CSMD3: variants seen among roughly 807,000 people sequenced by gnomAD.
CSMD3 encodes the protein CUB and Sushi multiple domains 3.
In CSMD3, 177 loss-of-function variants were observed where a neutral mutation model predicts 435.2. The observed-to-expected ratio is 0.41, with a 90% confidence interval of 0.36 to 0.46. CSMD3 has a LOEUF of 0.46. Ranked by LOEUF, CSMD3 falls within the 20% of genes least tolerant of loss-of-function variation. The pLI, the probability that CSMD3 is intolerant of heterozygous loss-of-function variation, is 0.34. For synonymous variants in CSMD3, 1,656 were observed against 1,520.5 expected (o/e 1.09, Z -2.07); for missense variants, 4,265 against 4,504.6 (o/e 0.95, Z 1.52).
intron 13 of CSMD3, among the ~76,000 whole-genome samples, chr8:112,772,065 A>G (rs180929392): frequency 1.2e-4 from 18 of 152,194 alleles, no homozygotes; most frequent in Admixed American, 9.8e-4. Context: ...TTAACTCAGG[A>G]AAGATACAGA....
intron 14 of CSMD3, among the ~76,000 whole-genome samples, chr8:112,686,683 G>A (rs891520908): frequency 2.6e-5 from 4 of 151,626 alleles, no homozygotes; most frequent in African/African-American, 9.7e-5. Context: ...ATGGGGTTTC[G>A]CCATATTGGT....
At chr8:113,008,140 C>T (rs905765153) in intron 6 of CSMD3, among the ~76,000 whole-genome samples, 1 of 151,574 alleles carries the variant, frequency 6.6e-6, no homozygotes, top group Non-Finnish European at 1.5e-5. Context: ...TATTAACAGT[C>T]AGAATTTTGT....
chr8:113,312,739 G>A (rs373467284), intron 2 of CSMD3: 1 of 151,960 alleles, frequency 6.6e-6, no homozygotes, highest in Non-Finnish European at 1.5e-5. Flanking sequence ...CCACTTATAG[G>A]TATTATTTGC....
chr8:112,274,037 A>G (rs1817784825), intron 59 of CSMD3, among the ~76,000 whole-genome samples: 1 of 152,048 alleles, frequency 6.6e-6, no homozygotes, highest in Non-Finnish European at 1.5e-5. Context: ...TTTCACATGA[A>G]CTGATACTTA....
intron 3 of CSMD3, among the ~76,000 whole-genome samples, chr8:113,207,935 T>C (rs113499390): frequency 2.6e-5 from 4 of 152,268 alleles, no homozygotes; most frequent in African/African-American, 7.2e-5. Flanking sequence ...GATTTCAGAA[T>C]GGGGTTTGGC....
rs566012713 is a variant in CSMD3, at chr8:113,310,002, A to AT, written c.401+4568dup. 102 of 152,314 alleles carry AT rather than the reference A, an allele frequency of 6.7e-4. 1 individual carries two copies. The highest frequency in any genetic ancestry group is 2.4e-3 in the African/African-American group (99 of 41,580). The allele number at this position is 152,314 out of a possible 1,614,324, so 9.4% of individuals were successfully genotyped here. A position where few individuals can be genotyped will look rare whatever the true frequency, so the allele number is the denominator to read the frequency against. On this transcript the variant is annotated intron_variant, in intron 2 of 70. Coordinates refer to ENST00000297405, the MANE Select transcript of CSMD3 (RefSeq NM_198123.2). The stretch of plus-strand genomic sequence containing the variant: ...ACTTCTTGTTATATAAGAAAAATAA[A>AT]TTTTTTGTTTAAGCTACAGTAAGTC...
intron 1 of CSMD3, among the ~76,000 whole-genome samples, chr8:113,419,758 T>C (rs1269225634): frequency 6.6e-6 from 1 of 152,126 alleles, no homozygotes; most frequent in Admixed American, 6.6e-5. Context: ...TATGAGAATA[T>C]ATTAGAATTA....
At chr8:112,275,235 A>C (rs1244446904) in intron 59 of CSMD3, among the ~76,000 whole-genome samples, 1 of 152,066 alleles carries the variant, frequency 6.6e-6, no homozygotes, top group East Asian at 1.9e-4. Flanking sequence ...CGTACCTGAG[A>C]CTGGATAATT....
At chr8:112,848,172 T>C (rs1474924474) in intron 11 of CSMD3, among the ~76,000 whole-genome samples, 3 of 152,114 alleles carry the variant, frequency 2.0e-5, no homozygotes, top group Non-Finnish European at 2.9e-5. Flanking sequence ...CAGAATGATA[T>C]GAAATGTTGT....
chr8:113,393,513 C>T (rs2094470345), intron 1 of CSMD3, among the ~76,000 whole-genome samples: 1 of 152,010 alleles, frequency 6.6e-6, no homozygotes, highest in African/African-American at 2.4e-5. Context: ...ATTTCCACTT[C>T]AATACAGTGG....
intron 13 of CSMD3, among the ~76,000 whole-genome samples, chr8:112,726,232 T>C (rs981523827): frequency 1.1e-4 from 16 of 152,054 alleles, no homozygotes; most frequent in African/African-American, 3.1e-4. Context: ...GAGATTATAA[T>C]TGAAGATGAG....
chr8:112,237,315 C>T lies in CSMD3; in HGVS notation c.10502G>A (p.Trp3501Ter). Residue 3501 changes from tryptophan to a stop codon, truncating the protein, a stop_gained, in exon 67 of 71, where the codon TGG becomes TAG. Transcript: ENST00000297405. LOFTEE classifies it high-confidence loss of function. ...PDDVFAQNYIWKGSYNFKGRK... is the reference protein window; with the variant it reads ...PDDVFAQNYI ...TCCTTTGAAATTGTAAGAGCCTTTC[C>T]ATATATAATTTTGGGCAAATACATC... 1.2e-6 allele frequency: 2 copies of T among 1,612,736 alleles called. No homozygotes were observed.
chr8:112,352,340 G>A (rs2131061569), intron 39 of CSMD3, 76 bp downstream of exon 39: 1 of 1,601,506 alleles, frequency 6.2e-7, no homozygotes, highest in East Asian at 2.3e-5. Flanking sequence ...AAAACCCGTG[G>A]CTTATCAATC....
chr8:112,901,869 T>A (rs1020735480), intron 10 of CSMD3, among the ~76,000 whole-genome samples: 3 of 151,290 alleles, frequency 2.0e-5, no homozygotes, highest in Non-Finnish European at 4.4e-5. Flanking sequence ...ATTGATGGGG[T>A]TCGGGTAAAG....
In CSMD3 at chr8:113,403,569, G is replaced by A. The variant is rs566308104; in HGVS notation, c.178+33108C>T. Among the ~76,000 whole-genome samples the A allele has an allele frequency of 5.3e-5, 8 of 151,410 alleles. No homozygotes were observed. In the South Asian group the frequency reaches 1.5e-3, roughly 27 times the overall value. On this transcript the variant is annotated intron_variant, in intron 1 of 70. Transcript: ENST00000297405. ...TTTTAGAGTACATTAAAAAGAAAAA[G>A]CAGTAATAAAGCATGATTGCTTTCT...
At chr8:113,199,706 G>T (rs561957794) in intron 3 of CSMD3, among the ~76,000 whole-genome samples, 21 of 151,576 alleles carry the variant, frequency 1.4e-4, no homozygotes, top group African/African-American at 5.1e-4. Context: ...AATAATGGAT[G>T]TATATTTTTA....
intron 2 of CSMD3, among the ~76,000 whole-genome samples, chr8:113,292,239 A>T (rs1049715853): frequency 1.3e-5 from 2 of 151,740 alleles, no homozygotes; most frequent in African/African-American, 4.8e-5. Context: ...AGAATGTAAA[A>T]TAAAAAATTT....
At chr8:112,487,501 A>C (rs1409492648) in intron 31 of CSMD3, among the ~76,000 whole-genome samples, 1 of 152,210 alleles carries the variant, frequency 6.6e-6, no homozygotes, top group Admixed American at 6.6e-5. Flanking sequence ...GTGTATGAGC[A>C]GATGAAGTAG....
intron 40 of CSMD3, among the ~76,000 whole-genome samples, chr8:112,350,971 A>T (rs925727827): frequency 1.5e-4 from 23 of 152,008 alleles, no homozygotes; most frequent in African/African-American, 4.8e-4. Flanking sequence ...TAAAAATAAA[A>T]ATTTTAAATT....
Sources: gnomAD v4.1 joint callset for allele counts (sites outside exome capture counted in the v4.1 genomes callset) on GRCh38, gnomAD v4.1.1 for gene constraint, MANE v1.5 for transcripts, NCBI Gene and HGNC (gene_info 2026-07-23, HGNC 2026-07-21) for gene names.